UTRN: variants seen among roughly 807,000 people sequenced by gnomAD.
The protein encoded by UTRN is utrophin.
UTRN carries 283 observed loss-of-function variants against 463.9 expected under a neutral mutation model. The ratio of observed to expected loss-of-function variants is 0.61; its 90% CI spans 0.55 to 0.67. UTRN has a LOEUF of 0.67. UTRN is among the 30% of genes least tolerant of loss of function. The pLI, the probability that UTRN is intolerant of heterozygous loss-of-function variation, is 0.00. For synonymous variants in UTRN, 1,442 were observed against 1,431.5 expected (o/e 1.01, Z -0.17); for missense variants, 3,922 against 4,084.3 (o/e 0.96, Z 1.08).
At chr6:144,314,661 C>T (rs1004928852) in intron 2 of UTRN, among the ~76,000 whole-genome samples, 2 of 152,298 alleles carry the variant, frequency 1.3e-5, no homozygotes, top group African/African-American at 4.8e-5. Flanking sequence ...ACCCTATCAT[C>T]CAATATCTTC....
intron 50 of UTRN, among the ~76,000 whole-genome samples, chr6:144,574,745 C>G (rs1801272714): frequency 6.6e-6 from 1 of 152,098 alleles, no homozygotes; most frequent in Admixed American, 6.6e-5. Context: ...CCATGCCCAG[C>G]TAATTTTTGT....
intron 14 of UTRN, among the ~76,000 whole-genome samples, chr6:144,446,615 T>C (rs1359366380): frequency 6.6e-6 from 1 of 152,204 alleles, no homozygotes; most frequent in East Asian, 1.9e-4. Context: ...AAAACACACA[T>C]TGTTGTCCAA....
intron 19 of UTRN, among the ~76,000 whole-genome samples, chr6:144,455,339 T>A (rs772517290): frequency 9.5e-4 from 145 of 152,226 alleles, no homozygotes; most frequent in Non-Finnish European, 1.6e-3. Context: ...ACTTGGAGGT[T>A]ACTCTTTCCA....
intron 10 of UTRN, among the ~76,000 whole-genome samples, 183 bp downstream of exon 10, chr6:144,436,321 T>C (rs1786530133): frequency 6.6e-6 from 1 of 152,234 alleles, no homozygotes; most frequent in African/African-American, 2.4e-5. Flanking sequence ...GATTAAACTG[T>C]GCCTCAGAAT....
intron 60 of UTRN, among the ~76,000 whole-genome samples, chr6:144,777,133 G>A (rs1775395172): frequency 6.6e-6 from 1 of 152,166 alleles, no homozygotes; most frequent in Admixed American, 6.6e-5. Flanking sequence ...GCACAGAGCA[G>A]GGGTTGCTTA....
chr6:144,318,002 T>C (rs1279793320), intron 2 of UTRN, among the ~76,000 whole-genome samples: 1 of 152,200 alleles, frequency 6.6e-6, no homozygotes, highest in East Asian at 1.9e-4. Flanking sequence ...TGTTTCACCA[T>C]TTTTTGACCT....
At chr6:144,433,287 C>T (rs1212930700) in intron 9 of UTRN, among the ~76,000 whole-genome samples, 6 of 150,340 alleles carry the variant, frequency 4.0e-5, no homozygotes, top group Admixed American at 2.0e-4. Context: ...CCTCACCTCC[C>T]GGACGGGGCG....
intron 51 of UTRN, among the ~76,000 whole-genome samples, chr6:144,631,237 GGTGTGTGTGTGT>G (rs67332744): frequency 1.4e-3 from 201 of 147,508 alleles, no homozygotes; most frequent in Middle Eastern, 6.9e-3. Context: ...GAGAGAGAGA[GGTGTGTGTGTGT>G]GTGTGTGTGT....
In UTRN at chr6:144,360,108, TCCC is replaced by T. The variant is rs1170559362; in HGVS notation, c.80-43011_80-43009del. Among the ~76,000 whole-genome samples, 17 of 70,020 alleles carry T rather than the reference TCCC, an allele frequency of 2.4e-4. 2 individuals carry two copies. Among genetic ancestry groups the T allele is most frequent in the African/African-American group, 1.6e-3 (17 of 10,834 alleles). 45.9% of individuals were successfully genotyped at this position (70,020 alleles called of 152,430 possible). On this transcript the variant is annotated intron_variant, in intron 2 of 74. Coordinates refer to ENST00000367545, the MANE Select transcript of UTRN (RefSeq NM_007124.3). ...TTCCCTTCCCTCCCCTCCCCTCCCC[TCCC>T]CCCTTCCTTCCTTCCTTCTTTTTTC...
rs1423894757 is a variant in UTRN at position 144,458,694 on chromosome 6, G to A, written c.2285-76G>A. On this transcript the variant is annotated intron_variant, in intron 19 of 74. Coordinates refer to ENST00000367545, the MANE Select transcript of UTRN (RefSeq NM_007124.3). ...GTGACATTGCCTCACTATTCTGAGT[G>A]TTAGAATGTTCAGAATAAATTCAAG... 8.8e-6 allele frequency: 13 copies of A among 1,483,350 alleles called. No homozygotes were observed. In the African/African-American group the frequency reaches 1.4e-4, roughly 16 times the overall value. The allele number at this position is 1,483,350 out of a possible 1,614,324, so 91.9% of individuals were successfully genotyped here.
intron 34 of UTRN, among the ~76,000 whole-genome samples, chr6:144,504,569 G>C (rs1794531628): frequency 6.6e-6 from 1 of 152,256 alleles, no homozygotes; most frequent in Admixed American, 6.5e-5. Context: ...TACATTTATT[G>C]ATTTGCATTG....
intron 14 of UTRN, among the ~76,000 whole-genome samples, chr6:144,444,603 C>G (rs1177243473): frequency 6.6e-6 from 1 of 152,110 alleles, no homozygotes; most frequent in Non-Finnish European, 1.5e-5. Flanking sequence ...GTTTTCATTA[C>G]TTGGAATGTT....
At chr6:144,652,658 T>C (rs377449271) in intron 51 of UTRN, among the ~76,000 whole-genome samples, 4 of 152,246 alleles carry the variant, frequency 2.6e-5, no homozygotes, top group African/African-American at 9.6e-5. Flanking sequence ...GATACTCGTT[T>C]CCTTGGGAAG....
intron 74 of UTRN, among the ~76,000 whole-genome samples, chr6:144,847,634 T>A (rs772457630): frequency 6.6e-6 from 1 of 152,148 alleles, no homozygotes; most frequent in Non-Finnish European, 1.5e-5. Flanking sequence ...GTCCTGCCTT[T>A]GTCCTGTAAA....
intron 4 of UTRN, among the ~76,000 whole-genome samples, chr6:144,422,946 G>A (rs928129177): frequency 1.4e-4 from 21 of 152,164 alleles, no homozygotes; most frequent in South Asian, 2.1e-4. Flanking sequence ...TCTCAGATAA[G>A]GTTCTGGCCA....
At chr6:144,534,410 A>G (rs1377025780) in intron 43 of UTRN, among the ~76,000 whole-genome samples, 1 of 152,190 alleles carries the variant, frequency 6.6e-6, no homozygotes, top group Non-Finnish European at 1.5e-5. Context: ...TGCTCTCAAT[A>G]TTATGCTGTA....
At chr6:144,356,911 A>T (rs1215542935) in intron 2 of UTRN, among the ~76,000 whole-genome samples, 1 of 141,524 alleles carries the variant, frequency 7.1e-6, no homozygotes, top group African/African-American at 2.7e-5. Context: ...ACACACACAT[A>T]CTGTTTATCA....
At chr6:144,717,721 C>T (rs1463904149) in intron 53 of UTRN, among the ~76,000 whole-genome samples, 3 of 149,764 alleles carry the variant, frequency 2.0e-5, no homozygotes, top group Non-Finnish European at 4.4e-5. Context: ...CTGCAACCTC[C>T]GCCTCCCGGG....
In UTRN at chr6:144,570,682, T is replaced by C. The variant is rs147024585; in HGVS notation, c.7290-6417T>C. Reference sequence around the variant, plus strand: ...GTCAATGGGTGGTCTAGCTTCTGGATTGAGAATGTTCCACTGGTCACCAAA... The same window carrying C: ...GTCAATGGGTGGTCTAGCTTCTGGACTGAGAATGTTCCACTGGTCACCAAA... On this transcript the variant is annotated intron_variant, in intron 50 of 74. Coordinates refer to ENST00000367545, the MANE Select transcript of UTRN (RefSeq NM_007124.3). 3.4e-3 allele frequency among the ~76,000 whole-genome samples: 520 copies of C among 152,328 alleles called. 4 individuals carry two copies. Among genetic ancestry groups the C allele is most frequent in the African/African-American group, 0.012 (495 of 41,578 alleles).
Sources: allele counts gnomAD v4.1 joint callset (sites outside exome capture counted in the v4.1 genomes callset), GRCh38; gene constraint gnomAD v4.1.1; transcripts MANE v1.5; gene names NCBI Gene and HGNC (gene_info 2026-07-23, HGNC 2026-07-21).